FCRL3: variants seen among roughly 807,000 people sequenced by gnomAD.
FCRL3 encodes the protein Fc receptor-like protein 3.
FCRL3 carries 89 observed loss-of-function variants against 75.0 expected under a neutral mutation model. The ratio of observed to expected loss-of-function variants is 1.19; its 90% CI spans 1.00 to 1.42. FCRL3 has a LOEUF of 1.42. Among genes scored for constraint, FCRL3 ranks in the 40% most tolerant of loss-of-function variants. The probability of loss-of-function intolerance (pLI) is 0.00; values close to 1 mark genes in which losing one functional copy is unlikely to be tolerated. For missense variants in FCRL3, 946 were observed against 880.0 expected (o/e 1.07, Z -0.95); for synonymous variants, 376 against 348.5 (o/e 1.08, Z -0.88).
Position 157,696,068 on chromosome 1 carries a change from G to A in FCRL3, c.1104C>T (p.Leu368=), listed in dbSNP as rs1288003845. Reference sequence around the variant, plus strand: ...TCACGGTGACTCGAATCCACGTGCTGAGGATGGGGCTGTGAACGTTATCAG... The same window carrying A: ...TCACGGTGACTCGAATCCACGTGCTAAGGATGGGGCTGTGAACGTTATCAG... ...CAADNVHSPI[L]STWIRVTVRI... Residue 368 remains leucine, a synonymous_variant, in exon 7 of 15, where the codon CTC becomes CTT. Transcript: ENST00000368184. 1 of 1,611,936 alleles carries A rather than the reference G, an allele frequency of 6.2e-7. No individual in the cohort carries two copies. The highest frequency in any genetic ancestry group is 8.5e-7 in the Non-Finnish European group (1 of 1,179,122).
intron 7 of FCRL3, 101 bp downstream of exon 7, chr1:157,695,939 T>G (rs1212015465): frequency 2.3e-5 from 2 of 87,776 alleles, no homozygotes; most frequent in Non-Finnish European, 4.3e-5. Context: ...CCCCCTCCCC[T>G]CCCTCCCTCC....
In FCRL3 at chr1:157,681,400, A is replaced by AC. The variant is rs1190319522; in HGVS notation, c.1839-302dup. Among the ~76,000 whole-genome samples the AC allele has an allele frequency of 1.3e-4, 8 of 61,430 alleles. No homozygotes were observed. The East Asian group carries it at 4.7e-3, about 36-fold the overall frequency. The allele number at this position is 61,430 out of a possible 152,430, so 40.3% of individuals were successfully genotyped here. A position where few individuals can be genotyped will look rare whatever the true frequency, so the allele number is the denominator to read the frequency against. Reference sequence around the variant, plus strand: ...AATGCTATCCCTCTCCCCTCCCCCCACCCCAAAACAGTCCCCAGAGTGTGA... The same window carrying AC: ...AATGCTATCCCTCTCCCCTCCCCCCACCCCCAAAACAGTCCCCAGAGTGTGA... On this transcript the variant is annotated intron_variant, in intron 11 of 14. Transcript: ENST00000368184.
intron 5 of FCRL3, 107 bp downstream of exon 5, chr1:157,697,552 T>C: frequency 6.8e-7 from 1 of 1,473,140 alleles, no homozygotes; most frequent in South Asian, 1.4e-5. Context: ...CTCCCTCCCA[T>C]GGCTGAGCCA....
At chr1:157,687,990 T>C (rs1336670369) in intron 10 of FCRL3, among the ~76,000 whole-genome samples, 1 of 152,018 alleles carries the variant, frequency 6.6e-6, no homozygotes, top group Non-Finnish European at 1.5e-5. Context: ...GGAAGTAAAA[T>C]AGAATTAAAA....
intron 13 of FCRL3, among the ~76,000 whole-genome samples, chr1:157,679,830 C>CAA (rs1166825112): frequency 0.048 from 2,396 of 49,660 alleles, 772 homozygotes; most frequent in Middle Eastern, 0.083. Context: ...CCCCATCTCA[C>CAA]AAAAAAAAAA....
At chr1:157,691,089 CTGTT>C (rs983256877) in intron 8 of FCRL3, among the ~76,000 whole-genome samples, 1 of 151,994 alleles carries the variant, frequency 6.6e-6, no homozygotes, top group African/African-American at 2.4e-5. Context: ...GGAGAATTAT[CTGTT>C]TGTTCGTTGC....
At position 157,690,543 on chromosome 1, in the gene FCRL3, GA is replaced by G; in HGVS notation, c.1412-11del. The G allele has an allele frequency of 6.2e-7, 1 of 1,611,526 alleles. No homozygotes were observed. Among genetic ancestry groups the G allele is most frequent in the Non-Finnish European group, 8.5e-7 (1 of 1,178,960 alleles). On this transcript the variant is annotated splice_polypyrimidine_tract_variant and intron_variant, in intron 8 of 14. Transcript: ENST00000368184. Reference sequence around the variant, plus strand: ...GGGCGAGACACCGGAACTGAGGGAGGAAAAATAGTTCACTGGCAGTTTTACT... The same window carrying G: ...GGGCGAGACACCGGAACTGAGGGAGGAAAATAGTTCACTGGCAGTTTTACT...
In FCRL3 at chr1:157,696,162, C is replaced by T. The variant is rs146382073; in HGVS notation, c.1010G>A (p.Arg337His). Residue 337 changes from arginine (R) to histidine (H), a missense_variant, in exon 7 of 15, where the codon CGT (arginine) becomes CAT (histidine). Arg to His is a conservative substitution (Grantham distance 29). Coordinates refer to ENST00000368184, the MANE Select transcript of FCRL3 (RefSeq NM_052939.4). ...RVRSLGRKTQ[R>H]SLLAELHVLT... is the part of the protein sequence containing the mutation. ...AACATGCAGCTCTGCCAACAGGGAACGCTGGGTCTTTCTACCCAGGCTTCT... is the reference window on the plus strand; with the variant it reads ...AACATGCAGCTCTGCCAACAGGGAATGCTGGGTCTTTCTACCCAGGCTTCT... 3.1e-4 allele frequency: 506 copies of T among 1,614,022 alleles called. 1 individual carries two copies. The Middle Eastern group carries it at 5.3e-3, about 17-fold the overall frequency.
intron 10 of FCRL3, 103 bp downstream of exon 10, chr1:157,689,695 G>T: frequency 6.8e-7 from 1 of 1,476,868 alleles, no homozygotes; most frequent in Non-Finnish European, 9.2e-7. Flanking sequence ...TGAGGGCCTA[G>T]TACTTGGAAG....
chr1:157,693,727 T>TA, intron 8 of FCRL3, among the ~76,000 whole-genome samples: 2 of 148,580 alleles, frequency 1.3e-5, no homozygotes, highest in South Asian at 4.3e-4. Context: ...TTCCTTCCTT[T>TA]CTCTCTCTCT....
rs751882804 is a variant in FCRL3 at position 157,695,970 on chromosome 1, C to T, written c.1132+70G>A. 222 of 1,107,436 alleles carry T rather than the reference C, an allele frequency of 2.0e-4. 1 individual carries two copies. In the Middle Eastern group the frequency reaches 5.6e-3, roughly 28 times the overall value. The allele number at this position is 1,107,436 out of a possible 1,614,324, so 68.6% of individuals were successfully genotyped here. A position where few individuals can be genotyped will look rare whatever the true frequency, so the allele number is the denominator to read the frequency against. ...CCTCCCCGTGCCTCTTTTAGGAGAC[C>T]TTAGTGGCTGACAGAGAACCTAAAC... On this transcript the variant is annotated intron_variant, in intron 7 of 14. Coordinates refer to ENST00000368184, the MANE Select transcript of FCRL3 (RefSeq NM_052939.4).
chr1:157,686,481 AGC>A (rs1286087041), intron 10 of FCRL3, among the ~76,000 whole-genome samples: 1 of 152,104 alleles, frequency 6.6e-6, no homozygotes, highest in Non-Finnish European at 1.5e-5. Context: ...AAATAGCCAA[AGC>A]ATTCCTAAGC....
At position 157,695,436 on chromosome 1, in the gene FCRL3, GCTC is replaced by G; in HGVS notation, c.1301_1303del (p.Gly434del). On this transcript the variant is annotated inframe_deletion, in exon 8 of 15. Transcript: ENST00000368184. ...TGCAGTCAGAGAGAGGTTGAAGGAG[GCTC>G]CTCCTCCAGAGGGGGCTGAGCTGTT... 1.2e-6 allele frequency: 2 copies of G among 1,614,184 alleles called. No individual in the cohort carries two copies. The highest frequency in any genetic ancestry group is 1.7e-6 in the Non-Finnish European group (2 of 1,180,034).
chr1:157,697,891 A>G lies in FCRL3; in HGVS notation c.327T>C (p.Pro109=), dbSNP rs1420923852. Residue 109 remains proline (P), a synonymous_variant, in exon 5 of 15, where the codon CCT becomes CCC. Coordinates refer to ENST00000368184, the MANE Select transcript of FCRL3 (RefSeq NM_052939.4). ...PDWLILQALH[P]VFEGDNVILR... ...GAATGACATTGTCTCCTTCAAAGAC[A>G]GGATGTAAAGCCTGCAGGATCAGCC... 3.1e-6 allele frequency: 5 copies of G among 1,613,986 alleles called. No homozygotes were observed. The highest frequency in any genetic ancestry group is 1.3e-5 in the African/African-American group (1 of 74,934).
intron 11 of FCRL3, among the ~76,000 whole-genome samples, chr1:157,682,972 A>G (rs1048150852): frequency 2.0e-5 from 3 of 152,226 alleles, no homozygotes; most frequent in Admixed American, 6.5e-5. Context: ...CTGCTGGAAC[A>G]CATTTAAGGA....
intron 13 of FCRL3, among the ~76,000 whole-genome samples, chr1:157,679,991 AG>A (rs1654735863): frequency 6.6e-6 from 1 of 152,160 alleles, no homozygotes; most frequent in Non-Finnish European, 1.5e-5. Context: ...GTTACCATAA[AG>A]AATAAATGTC....
chr1:157,700,165 A>G (rs1656223796), intron 2 of FCRL3, among the ~76,000 whole-genome samples: 1 of 152,118 alleles, frequency 6.6e-6, no homozygotes, highest in East Asian at 1.9e-4. Flanking sequence ...ATTTAGTCTG[A>G]GGCTTAAGAG....
intron 13 of FCRL3, 129 bp downstream of exon 13, chr1:157,680,573 T>G (rs1654771430): frequency 1.4e-6 from 1 of 705,876 alleles, no homozygotes; most frequent in African/African-American, 1.8e-5. Flanking sequence ...ATTCTACAGC[T>G]GACACTATGG....
At position 157,678,418 on chromosome 1, in the gene FCRL3, ATT is replaced by A. The variant is rs1654598381; in HGVS notation, c.*290_*291del. 4 of 1,242,574 alleles carry A rather than the reference ATT, an allele frequency of 3.2e-6. No individual in the cohort carries two copies. The highest frequency in any genetic ancestry group is 3.0e-6 in the Non-Finnish European group (3 of 985,346). The allele number at this position is 1,242,574 out of a possible 1,614,324, so 77.0% of individuals were successfully genotyped here. ...GTGCCCTTGTAACCCTGGCTAGACC[ATT>A]TCTCTCTCCTCCTCTATTCGACAGC... is the stretch of plus-strand genomic sequence containing the variant. On this transcript the variant is annotated 3_prime_UTR_variant, in exon 15 of 15. Transcript: ENST00000368184.
Sources: allele counts gnomAD v4.1 joint callset (sites outside exome capture counted in the v4.1 genomes callset), GRCh38; gene constraint gnomAD v4.1.1; transcripts MANE v1.5; gene names NCBI Gene and HGNC (gene_info 2026-07-23, HGNC 2026-07-21).